The following RBPJ variants were observed in gnomAD, a reference collection of about 807,000 sequenced individuals.
RBPJ encodes recombination signal binding protein for immunoglobulin kappa J region.
A neutral mutation model predicts 67.8 loss-of-function variants in RBPJ; 9 were observed. The observed-to-expected ratio is 0.13, with a 90% CI of 0.08 to 0.23. The LOEUF (loss-of-function observed/expected upper bound fraction) is 0.23, where lower values mean the gene tolerates loss of function less well. Ranked by LOEUF, RBPJ falls within the 10% of genes least tolerant of loss-of-function variation. RBPJ has a pLI of 1.00. For missense variants in RBPJ, 305 were observed against 595.6 expected, an observed-to-expected ratio of 0.51 and a Z score of 5.08; for synonymous variants, 198 against 203.3, an observed-to-expected ratio of 0.97 and a Z score of 0.22.
intron 1 of RBPJ, among the ~76,000 whole-genome samples, chr4:26,213,669 A>G (rs916141091): frequency 2.6e-5 from 4 of 152,176 alleles, no homozygotes; most frequent in African/African-American, 9.7e-5. Context: ...TCTAACTGCA[A>G]TGAAAAGCCA....
intron 1 of RBPJ, among the ~76,000 whole-genome samples, chr4:26,292,431 A>T (rs1218901762): frequency 6.7e-6 from 1 of 149,952 alleles, no homozygotes; most frequent in African/African-American, 2.5e-5. Flanking sequence ...TAATATATAT[A>T]TTTTTATGAG....
the RBPJ span, among the ~76,000 whole-genome samples, chr4:26,148,304 C>T: frequency 6.6e-6 from 1 of 152,132 alleles, no homozygotes; most frequent in Non-Finnish European, 1.5e-5. Context: ...ATTAGGCTCA[C>T]AGGAGGAAAT....
intron 1 of RBPJ, among the ~76,000 whole-genome samples, chr4:26,178,411 T>C (rs981129581): frequency 2.0e-5 from 3 of 151,998 alleles, no homozygotes; most frequent in African/African-American, 7.2e-5. Flanking sequence ...CAAGGTGAAT[T>C]GCTTGAAGCC....
intron 1 of RBPJ, among the ~76,000 whole-genome samples, chr4:26,361,566 G>A (rs1474144711): frequency 1.3e-5 from 2 of 151,864 alleles, no homozygotes; most frequent in Non-Finnish European, 2.9e-5. Flanking sequence ...GTCTTTCCTA[G>A]GAAGCTCTTT....
intron 1 of RBPJ, among the ~76,000 whole-genome samples, chr4:26,270,221 C>T (rs1720832692): frequency 6.9e-6 from 1 of 144,532 alleles, no homozygotes; most frequent in South Asian, 2.2e-4. Context: ...GCAGAGGTTG[C>T]AGTGAGCCAA....
intron 1 of RBPJ, among the ~76,000 whole-genome samples, chr4:26,330,917 T>A (rs148058246): frequency 6.2e-4 from 94 of 152,336 alleles, no homozygotes; most frequent in African/African-American, 2.2e-3. Flanking sequence ...AACTACATCC[T>A]GTGTGACACG....
chr4:26,117,781 A>G, the RBPJ span, among the ~76,000 whole-genome samples: 1 of 152,222 alleles, frequency 6.6e-6, no homozygotes, highest in Non-Finnish European at 1.5e-5. Context: ...GTCAATACAC[A>G]TAAAACACTC....
At chr4:26,374,479 CT>C (rs71186405) in intron 1 of RBPJ, among the ~76,000 whole-genome samples, 75,929 of 143,874 alleles carry the variant, frequency 0.53, 20,088 homozygotes, top group Admixed American at 0.63. Context: ...TCACCCTTTT[CT>C]TTTTTTTTTT....
rs1736279162 is a variant in RBPJ, at chr4:26,431,961, C to T, written c.*954C>T. 1 of 152,184 alleles carries T rather than the reference C, an allele frequency of 6.6e-6. No homozygotes were observed. The highest frequency in any genetic ancestry group is 1.5e-5 in the Non-Finnish European group (1 of 68,048). 9.4% of individuals were successfully genotyped at this position (152,184 alleles called of 1,614,324 possible). A position where few individuals can be genotyped will look rare whatever the true frequency, so the allele number is the denominator to read the frequency against. ...CTTGTTGATATTTGAAGTGTTCTCT[C>T]CCCTTTTCCCATGACGTAAATACAT... is the stretch of plus-strand genomic sequence containing the variant. On this transcript the variant is annotated 3_prime_UTR_variant, in exon 11 of 11. Transcript: ENST00000355476.
intron 1 of RBPJ, among the ~76,000 whole-genome samples, chr4:26,270,359 AAG>A (rs1163612840): frequency 7.0e-5 from 1 of 14,374 alleles, no homozygotes; most frequent in African/African-American, 3.5e-4. Flanking sequence ...GAGCAAGAGA[AAG>A]AAAGAAAGAA....
rs1310517051 is a variant in RBPJ, at chr4:26,433,975, A to ACT, written c.*2969_*2970dup. 6.6e-6 allele frequency: 1 copy of ACT among 152,172 alleles called. No individual in the cohort carries two copies. Among genetic ancestry groups the ACT allele is most frequent in the Non-Finnish European group, 1.5e-5 (1 of 68,024 alleles). 9.4% of individuals were successfully genotyped at this position (152,172 alleles called of 1,614,324 possible). On this transcript the variant is annotated 3_prime_UTR_variant, in exon 11 of 11. Transcript: ENST00000355476. Reference sequence around the variant, plus strand: ...TAGAAATGTATCTTATGCTCTCATGACTATGCAGTTTCTAAACATACACAT... The same window carrying ACT: ...TAGAAATGTATCTTATGCTCTCATGACTCTATGCAGTTTCTAAACATACACAT...
intron 2 of RBPJ, among the ~76,000 whole-genome samples, chr4:26,388,966 A>T (rs1731209354): frequency 6.6e-6 from 1 of 152,208 alleles, no homozygotes; most frequent in Non-Finnish European, 1.5e-5. Context: ...TCACGCCTGT[A>T]ATCCCAGTAC....
intron 1 of RBPJ, among the ~76,000 whole-genome samples, chr4:26,209,749 C>G (rs62409704): frequency 0.13 from 530 of 3,984 alleles, no homozygotes; most frequent in Middle Eastern, 0.25. Flanking sequence ...CTCCTTCCCT[C>G]TCTCCCTCCC....
intron 1 of RBPJ, among the ~76,000 whole-genome samples, chr4:26,357,850 C>A (rs1379151335): frequency 6.6e-6 from 1 of 152,174 alleles, no homozygotes; most frequent in African/African-American, 2.4e-5. Flanking sequence ...TGGCTTACTT[C>A]ACTTACCATA....
chr4:26,378,881 C>T (rs144946029), intron 1 of RBPJ, among the ~76,000 whole-genome samples: 1,731 of 152,052 alleles, frequency 0.011, 39 homozygotes, highest in African/African-American at 0.039. Context: ...CAAAAATTAG[C>T]TGGGCATAAT....
chr4:26,178,440 G>A (rs1716869819), intron 1 of RBPJ, among the ~76,000 whole-genome samples: 1 of 152,024 alleles, frequency 6.6e-6, no homozygotes, highest in African/African-American at 2.4e-5. Context: ...GTCCCTGTCT[G>A]TACAAAAATT....
At chr4:26,210,727 C>CTTCTTTT (rs1718371547) in intron 1 of RBPJ, among the ~76,000 whole-genome samples, 1 of 61,776 alleles carries the variant, frequency 1.6e-5, no homozygotes. Context: ...TTCTTTCTTT[C>CTTCTTTT]CTTCTTTACT....
At chr4:26,185,141 A>T (rs199930353) in intron 1 of RBPJ, among the ~76,000 whole-genome samples, 1 of 8,490 alleles carries the variant, frequency 1.2e-4, no homozygotes, top group South Asian at 7.2e-3. Context: ...GACTCTGTCT[A>T]AAAAAAAAAA....
the RBPJ span, among the ~76,000 whole-genome samples, chr4:26,149,724 G>A: frequency 4.4e-4 from 67 of 152,316 alleles, 1 homozygote; most frequent in South Asian, 9.7e-3. Context: ...GGACTTTCCA[G>A]ACTCCAGAAC....
Sources: allele counts gnomAD v4.1 joint callset (sites outside exome capture counted in the v4.1 genomes callset), GRCh38; gene constraint gnomAD v4.1.1; transcripts MANE v1.5; gene names NCBI Gene and HGNC (gene_info 2026-07-23, HGNC 2026-07-21).